Variants in ARHGAP32 observed in about 807,000 individuals in gnomAD.
ARHGAP32 encodes the protein rho GTPase-activating protein 32.
In ARHGAP32, 51 loss-of-function variants were observed where a neutral mutation model predicts 186.5. The observed-to-expected ratio is 0.27, with a 90% CI of 0.22 to 0.35. The LOEUF (loss-of-function observed/expected upper bound fraction) is 0.35, where lower values mean the gene tolerates loss of function less well. Ranked by LOEUF, ARHGAP32 falls within the 10% of genes least tolerant of loss-of-function variation. ARHGAP32 has a pLI of 1.00. For missense variants in ARHGAP32, 2,186 were observed against 2,623.5 expected, an observed-to-expected ratio of 0.83 and a Z score of 3.64; for synonymous variants, 950 against 964.3, an observed-to-expected ratio of 0.99 and a Z score of 0.27.
intron 10 of ARHGAP32, among the ~76,000 whole-genome samples, chr11:129,044,074 T>C (rs993949641): frequency 3.3e-5 from 5 of 152,136 alleles, no homozygotes; most frequent in Non-Finnish European, 5.9e-5. Flanking sequence ...TCATGTTTTA[T>C]ATATAAAGCT....
At chr11:129,165,639 GACTC>G (rs1218952616) in intron 1 of ARHGAP32, among the ~76,000 whole-genome samples, 2 of 149,932 alleles carry the variant, frequency 1.3e-5, no homozygotes, top group Non-Finnish European at 3.0e-5. Flanking sequence ...AAACCAGAAA[GACTC>G]ACATTTCATT....
At chr11:129,157,636 A>G (rs1349332400) in intron 2 of ARHGAP32, among the ~76,000 whole-genome samples, 3 of 152,206 alleles carry the variant, frequency 2.0e-5, no homozygotes, top group Non-Finnish European at 4.4e-5. Context: ...GGAGAATGGA[A>G]TCAAGCTGAA....
intron 5 of ARHGAP32, among the ~76,000 whole-genome samples, chr11:129,105,029 C>T (rs567098548): frequency 1.3e-5 from 2 of 152,282 alleles, no homozygotes; most frequent in South Asian, 4.1e-4. Flanking sequence ...TGTCTAGAGG[C>T]TACCTGAAGA....
At position 129,192,080 on chromosome 11, in the gene ARHGAP32, C is replaced by G. The variant is rs1330197116; in HGVS notation, c.116+3G>C. The stretch of plus-strand genomic sequence containing the variant: ...ACAAAGGAACTGTGAATTCCATAAT[C>G]ACCTGAACTTCTCTTCCCTTTCTTC... On this transcript the variant is annotated splice_donor_region_variant and intron_variant, in intron 1 of 22. Transcript: ENST00000682385. 1.9e-6 allele frequency: 3 copies of G among 1,606,864 alleles called. No homozygotes were observed. The East Asian group carries it at 6.7e-5, about 36-fold the overall frequency.
intron 1 of ARHGAP32, among the ~76,000 whole-genome samples, chr11:129,182,190 T>G (rs539278813): frequency 2.0e-5 from 3 of 152,286 alleles, no homozygotes; most frequent in African/African-American, 7.2e-5. Flanking sequence ...CTTGAATAAA[T>G]TCTTTCCAAT....
At chr11:129,194,531 A>G (rs1359504252), upstream of ARHGAP32, among the ~76,000 whole-genome samples, 2 of 152,214 alleles carry the variant, frequency 1.3e-5, no homozygotes, top group Non-Finnish European at 2.9e-5. Flanking sequence ...CTATGCTGCC[A>G]TCTGTGTTTT....
chr11:129,091,222 C>T (rs139490511), intron 6 of ARHGAP32, among the ~76,000 whole-genome samples: 1 of 152,100 alleles, frequency 6.6e-6, no homozygotes, highest in African/African-American at 2.4e-5. Context: ...AGTATCTGTT[C>T]TATTGCTTTG....
chr11:129,067,830 T>C (rs1244222090), intron 6 of ARHGAP32, among the ~76,000 whole-genome samples: 1 of 152,024 alleles, frequency 6.6e-6, no homozygotes, highest in East Asian at 1.9e-4. Flanking sequence ...TATCACCTCA[T>C]GAGAGGGTGC....
intron 15 of ARHGAP32, among the ~76,000 whole-genome samples, chr11:128,982,474 C>CGTGTGTGTGTGTGTGTGT (rs60379183): frequency 3.7e-4 from 54 of 147,474 alleles, no homozygotes; most frequent in Non-Finnish European, 7.0e-4. Flanking sequence ...AGGTAAGTGC[C>CGTGTGTGTGTGTGTGTGT]GTGTGTGTGT....
chr11:129,202,028 A>G lies in ARHGAP32; in HGVS notation c.-4-37601T>C, dbSNP rs151209795. 6.0e-3 allele frequency among the ~76,000 whole-genome samples: 912 copies of G among 152,072 alleles called. 9 individuals carry two copies. The highest frequency in any genetic ancestry group is 0.02 in the African/African-American group (817 of 41,500). On this transcript the variant is annotated intron_variant, in intron 1 of 6. Transcript: ENST00000525234. ...TGTGTCTCTATTTATTTATATATATATGTGTGTGTATATATACACACATAT... is the reference window on the plus strand; with the variant it reads ...TGTGTCTCTATTTATTTATATATATGTGTGTGTGTATATATACACACATAT...
In ARHGAP32 at chr11:128,969,746, C is replaced by T. The variant is rs1945306313; in HGVS notation, c.5467G>A (p.Gly1823Arg). 6.2e-7 allele frequency: 1 copy of T among 1,614,078 alleles called. No individual in the cohort carries two copies. Among genetic ancestry groups the T allele is most frequent in the South Asian group, 1.1e-5 (1 of 91,096 alleles). Reference protein sequence around the residue: ...GKTGLLSVAEGKESRHAAKAI... With the variant: ...GKTGLLSVAERKESRHAAKAI... ...TTGGCTGCATGGCGGCTCTCCTTTCCTTCTGCCACTGAGAGAAGTCCAGTT... is the reference window on the plus strand; with the variant it reads ...TTGGCTGCATGGCGGCTCTCCTTTCTTTCTGCCACTGAGAGAAGTCCAGTT... The change falls in exon 23 of 23, where the codon GGA (glycine) becomes AGA (arginine). Residue 1823 changes from glycine (G) to arginine (R), a missense_variant. This residue lies in a region of ARHGAP32 where 1,502 missense variants were observed against 1,570.0 expected (regional missense o/e 0.96). Coordinates refer to ENST00000682385, the MANE Select transcript of ARHGAP32 (RefSeq NM_001378024.1). This position sits in a 1 kb window ranked among gnomAD's most constrained non-coding sequence, Gnocchi z 4.8.
At chr11:129,224,121 AG>A (rs1303408655) in intron 1 of ARHGAP32, among the ~76,000 whole-genome samples, 1 of 152,202 alleles carries the variant, frequency 6.6e-6, no homozygotes, top group African/African-American at 2.4e-5. Flanking sequence ...GCATTCAGAC[AG>A]GAAAGCAGTA....
chr11:129,190,295 T>TA (rs1944245712), intron 1 of ARHGAP32, among the ~76,000 whole-genome samples: 1 of 152,188 alleles, frequency 6.6e-6, no homozygotes, highest in African/African-American at 2.4e-5. Flanking sequence ...TGCTGCCACA[T>TA]TTCCTCATGC....
chr11:129,076,306 A>G (rs1219403663), intron 6 of ARHGAP32, among the ~76,000 whole-genome samples: 2 of 152,190 alleles, frequency 1.3e-5, no homozygotes, highest in African/African-American at 2.4e-5. Context: ...TGCTCTGCCT[A>G]TGGAGTAGCC....
chr11:129,185,220 A>G (rs1944134164), intron 1 of ARHGAP32, among the ~76,000 whole-genome samples: 1 of 152,242 alleles, frequency 6.6e-6, no homozygotes, highest in Non-Finnish European at 1.5e-5. Context: ...CAACAATGAT[A>G]TACTGGATTA....
At chr11:129,241,709 T>C (rs944342997) in intron 1 of ARHGAP32, among the ~76,000 whole-genome samples, 1 of 152,126 alleles carries the variant, frequency 6.6e-6, no homozygotes, top group Non-Finnish European at 1.5e-5. Flanking sequence ...ACAAAGTCTA[T>C]GTAACAAGTT....
intron 1 of ARHGAP32, among the ~76,000 whole-genome samples, chr11:129,170,350 G>C (rs924151277): frequency 3.3e-5 from 5 of 151,852 alleles, no homozygotes; most frequent in Non-Finnish European, 5.9e-5. Flanking sequence ...CCCACAACTG[G>C]CCCCGATCTG....
At chr11:129,186,251 C>A (rs1944158985) in intron 1 of ARHGAP32, among the ~76,000 whole-genome samples, 1 of 152,132 alleles carries the variant, frequency 6.6e-6, no homozygotes, top group Non-Finnish European at 1.5e-5. Context: ...ACTCTAGGGC[C>A]TTTCTTGAAC....
chr11:129,088,267 A>G (rs1014017175), intron 6 of ARHGAP32, among the ~76,000 whole-genome samples: 1 of 152,232 alleles, frequency 6.6e-6, no homozygotes, highest in Non-Finnish European at 1.5e-5. Flanking sequence ...TTAAATGTAA[A>G]GTACTTTCAT....
Sources: allele counts gnomAD v4.1 joint callset (sites outside exome capture counted in the v4.1 genomes callset), GRCh38; gene constraint gnomAD v4.1.1; regional missense constraint gnomAD v4.1.1; non-coding constraint Gnocchi (gnomAD v3.1); transcripts MANE v1.5; gene names NCBI Gene and HGNC (gene_info 2026-07-23, HGNC 2026-07-21).